Variants in ANKFN1 observed in about 807,000 individuals in gnomAD.
The protein encoded by ANKFN1 is ankyrin repeat and fibronectin type III domain containing 1, also known as ankyrin repeat and fibronectin type-III domain-containing protein 1.
In ANKFN1, 74 loss-of-function variants were observed where a neutral mutation model predicts 108.7. That is an observed-to-expected ratio of 0.68 (90% CI 0.56 to 0.83). ANKFN1 has a LOEUF of 0.83. ANKFN1 is among the 40% of genes least tolerant of loss of function. The probability of loss-of-function intolerance (pLI) is 0.00; values close to 1 mark genes in which losing one functional copy is unlikely to be tolerated. For synonymous variants in ANKFN1, 547 were observed against 516.2 expected, an observed-to-expected ratio of 1.06 and a Z score of -0.81; for missense variants, 1,505 against 1,382.3, an observed-to-expected ratio of 1.09 and a Z score of -1.41.
At chr17:56,222,845 G>T (rs1370063137) in intron 2 of ANKFN1, among the ~76,000 whole-genome samples, 1 of 152,162 alleles carries the variant, frequency 6.6e-6, no homozygotes, top group Non-Finnish European at 1.5e-5. Flanking sequence ...CTAGTATAAA[G>T]TACTTGCAAT....
chr17:56,248,073 A>G (rs2043157236), intron 3 of ANKFN1, among the ~76,000 whole-genome samples: 1 of 152,216 alleles, frequency 6.6e-6, no homozygotes. Flanking sequence ...TCAGGAAGAC[A>G]GATTAAAAGA....
At chr17:56,071,333 G>C (rs1905118768) in intron 4 of ANKFN1, among the ~76,000 whole-genome samples, 1 of 152,088 alleles carries the variant, frequency 6.6e-6, no homozygotes. Context: ...CATAAACTTT[G>C]GTTCTCTTTC....
chr17:56,055,566 C>CATATATATACATATATATATATAT lies in ANKFN1; in HGVS notation c.288+9250_288+9251insCATATATATATATATATATATATA, dbSNP rs1555588764. 2.1e-3 allele frequency among the ~76,000 whole-genome samples: 101 copies of CATATATATACATATATATATATAT among 47,444 alleles called. 4 individuals carry two copies. The highest frequency in any genetic ancestry group is 9.1e-3 in the African/African-American group (69 of 7,566). The allele number at this position is 47,444 out of a possible 152,430, so 31.1% of individuals were successfully genotyped here. ...TATATGTGTGTGTGTGGTATATATACATATATATATATATATATATATGTA... is the reference window on the plus strand; with the variant it reads ...TATATGTGTGTGTGTGGTATATATACATATATATACATATATATATATATATATATATATATATATATATATGTA... On this transcript the variant is annotated intron_variant, in intron 4 of 12. Transcript: ENST00000635860.
intron 4 of ANKFN1, among the ~76,000 whole-genome samples, chr17:56,049,526 T>A (rs1171962971): frequency 2.0e-5 from 3 of 151,918 alleles, no homozygotes; most frequent in Non-Finnish European, 2.9e-5. Flanking sequence ...TATCTCCCAA[T>A]GCTATCCCTC....
chr17:56,480,069 T>C (rs1044679504), intron 16 of ANKFN1, among the ~76,000 whole-genome samples: 1 of 152,236 alleles, frequency 6.6e-6, no homozygotes, highest in African/African-American at 2.4e-5. Flanking sequence ...GCATGCAGAA[T>C]AAAGACACAG....
intron 4 of ANKFN1, among the ~76,000 whole-genome samples, chr17:56,062,559 C>CTTT (rs3085080): frequency 0.012 from 1,555 of 134,454 alleles, 24 homozygotes; most frequent in Non-Finnish European, 0.015. Context: ...GTAATCTCTG[C>CTTT]TTTTTTTTTT....
At chr17:56,401,785 T>C (rs2047774305) in intron 8 of ANKFN1, among the ~76,000 whole-genome samples, 1 of 152,134 alleles carries the variant, frequency 6.6e-6, no homozygotes, top group Admixed American at 6.6e-5. Context: ...TCAGAGGGAA[T>C]GCTTTCAACT....
At chr17:56,228,390 C>T (rs376682423) in intron 3 of ANKFN1, 11 of 167,144 alleles carry the variant, frequency 6.6e-5, no homozygotes, top group Non-Finnish European at 1.3e-4. Context: ...GTGTGTACTG[C>T]GTTATGGCCA....
chr17:56,478,117 G>A (rs952139080), intron 16 of ANKFN1, among the ~76,000 whole-genome samples: 1 of 152,232 alleles, frequency 6.6e-6, no homozygotes, highest in African/African-American at 2.4e-5. Context: ...ATGAGCCACC[G>A]TGCCCGGCCA....
chr17:56,166,168 A>T (rs1316171702), intron 1 of ANKFN1, among the ~76,000 whole-genome samples: 2 of 152,176 alleles, frequency 1.3e-5, no homozygotes, highest in Admixed American at 6.5e-5. Context: ...CAGTTATGCT[A>T]CAATGTAACC....
intron 2 of ANKFN1, among the ~76,000 whole-genome samples, chr17:56,214,548 A>G (rs949996914): frequency 6.6e-6 from 1 of 152,238 alleles, no homozygotes; most frequent in Non-Finnish European, 1.5e-5. Flanking sequence ...GATAATGCAT[A>G]TGCCTCATAC....
At chr17:56,312,663 C>T (rs1005229265) in intron 3 of ANKFN1, among the ~76,000 whole-genome samples, 1 of 152,134 alleles carries the variant, frequency 6.6e-6, no homozygotes, top group African/African-American at 2.4e-5. Flanking sequence ...CACACCTCTC[C>T]AAACCTGCAT....
intron 2 of ANKFN1, among the ~76,000 whole-genome samples, chr17:56,217,424 G>A (rs966078160): frequency 3.9e-5 from 6 of 152,216 alleles, no homozygotes; most frequent in African/African-American, 1.2e-4. Flanking sequence ...ACCGCATTGT[G>A]TTGAACAGAA....
chr17:56,394,568 C>T (rs140110365), intron 8 of ANKFN1, among the ~76,000 whole-genome samples: 23 of 152,238 alleles, frequency 1.5e-4, no homozygotes, highest in Middle Eastern at 3.4e-3. Flanking sequence ...CCCCAGCTAC[C>T]GCCATCCCCA....
At chr17:56,322,204 A>G (rs1454732848) in intron 3 of ANKFN1, among the ~76,000 whole-genome samples, 3 of 152,200 alleles carry the variant, frequency 2.0e-5, no homozygotes, top group Admixed American at 6.5e-5. Context: ...GAATAAATTA[A>G]TGTCATCATC....
intron 16 of ANKFN1, among the ~76,000 whole-genome samples, chr17:56,480,342 A>G (rs987676910): frequency 3.3e-5 from 5 of 152,210 alleles, no homozygotes; most frequent in African/African-American, 1.2e-4. Context: ...CTTAGAATTT[A>G]CAGGGGATCT....
At chr17:56,048,269 C>G (rs1002034956) in intron 4 of ANKFN1, among the ~76,000 whole-genome samples, 13 of 151,884 alleles carry the variant, frequency 8.6e-5, no homozygotes, top group African/African-American at 3.1e-4. Context: ...AATTATAATG[C>G]CACTTATGAA....
chr17:56,307,684 T>A (rs2044873448), intron 3 of ANKFN1, among the ~76,000 whole-genome samples: 1 of 152,160 alleles, frequency 6.6e-6, no homozygotes, highest in Non-Finnish European at 1.5e-5. Context: ...TCCTCGGGGA[T>A]CTAGAACTAG....
rs576366266 is a variant in ANKFN1 at position 56,193,584 on chromosome 17, A to G, written c.-70-19014A>G. 2.9e-4 allele frequency among the ~76,000 whole-genome samples: 44 copies of G among 152,144 alleles called. No individual in the cohort carries two copies. The South Asian group carries it at 7.9e-3, about 27-fold the overall frequency. On this transcript the variant is annotated intron_variant, in intron 1 of 20. Transcript: ENST00000682825. ...CATAATTTATTTGTAGCGTTTTAAA[A>G]AAAAAAAAAAGAATCTAGACACAGA... is the stretch of plus-strand genomic sequence containing the variant.
Sources: gnomAD v4.1 joint callset for allele counts (sites outside exome capture counted in the v4.1 genomes callset) on GRCh38, gnomAD v4.1.1 for gene constraint, MANE v1.5 for transcripts, NCBI Gene and HGNC (gene_info 2026-07-23, HGNC 2026-07-21) for gene names.